FRMD3: variants seen among roughly 807,000 people sequenced by gnomAD.
The protein encoded by FRMD3 is FERM domain-containing protein 3.
Under a neutral mutation model 70.2 loss-of-function variants are expected in FRMD3, and 33 were observed. That is an observed-to-expected ratio of 0.47 (90% CI 0.36 to 0.63). The LOEUF is 0.63. Ranked by LOEUF, FRMD3 falls within the 20% of genes least tolerant of loss-of-function variation. The probability of loss-of-function intolerance (pLI) is 0.00; values close to 1 mark genes in which losing one functional copy is unlikely to be tolerated. For synonymous variants in FRMD3, 279 were observed against 255.9 expected, an observed-to-expected ratio of 1.09 and a Z score of -0.86; for missense variants, 632 against 711.4, an observed-to-expected ratio of 0.89 and a Z score of 1.27.
At chr9:83,569,006 T>G in the FRMD3 span, among the ~76,000 whole-genome samples, 29 of 142,600 alleles carry the variant, frequency 2.0e-4, no homozygotes, top group East Asian at 3.4e-3. Context: ...AGGTAATAAT[T>G]GGACACAATA....
intron 12 of FRMD3, among the ~76,000 whole-genome samples, chr9:83,298,262 G>A (rs1361833337): frequency 2.0e-5 from 3 of 152,240 alleles, no homozygotes; most frequent in Non-Finnish European, 2.9e-5. Flanking sequence ...AAGAATGACT[G>A]CATATCGTCA....
chr9:83,382,436 T>C (rs1412502385), intron 2 of FRMD3, among the ~76,000 whole-genome samples: 1 of 152,202 alleles, frequency 6.6e-6, no homozygotes. Context: ...TTAAAAAAAT[T>C]ATATTGCATA....
At chr9:83,535,319 C>T (rs1829868885) in intron 1 of FRMD3, among the ~76,000 whole-genome samples, 1 of 152,198 alleles carries the variant, frequency 6.6e-6, no homozygotes, top group South Asian at 2.1e-4. Context: ...CAGCACCTTG[C>T]TAGAGAAACC....
At chr9:83,476,849 C>A (rs2131468310) in intron 1 of FRMD3, among the ~76,000 whole-genome samples, 1 of 152,034 alleles carries the variant, frequency 6.6e-6, no homozygotes, top group African/African-American at 2.4e-5. Flanking sequence ...CTACACTTTT[C>A]CTTTGTGGCC....
intron 1 of FRMD3, among the ~76,000 whole-genome samples, chr9:83,404,068 G>GCACACA (rs10552914): frequency 1.3e-5 from 2 of 148,828 alleles, no homozygotes; most frequent in African/African-American, 4.9e-5. Context: ...GCATACACAC[G>GCACACA]CACACACACA....
chr9:83,370,623 T>C (rs941908798), intron 3 of FRMD3, among the ~76,000 whole-genome samples: 1 of 152,166 alleles, frequency 6.6e-6, no homozygotes, highest in Non-Finnish European at 1.5e-5. Flanking sequence ...AGACATTATG[T>C]GTTTTAGGGT....
intron 1 of FRMD3, among the ~76,000 whole-genome samples, 199 bp from the exon 2 acceptor site, chr9:83,389,907 C>CACACAA (rs373487519): frequency 1.2e-4 from 19 of 152,256 alleles, no homozygotes; most frequent in African/African-American, 3.9e-4. Context: ...CCATTACACA[C>CACACAA]ACACAAACAC....
chr9:83,341,059 A>T (rs1823737938), intron 5 of FRMD3, among the ~76,000 whole-genome samples: 1 of 152,060 alleles, frequency 6.6e-6, no homozygotes, highest in East Asian at 1.9e-4. Context: ...CTAATCACTT[A>T]CTCCATCTTC....
chr9:83,328,712 G>T (rs1454200433), intron 6 of FRMD3, among the ~76,000 whole-genome samples: 1 of 152,136 alleles, frequency 6.6e-6, no homozygotes, highest in Non-Finnish European at 1.5e-5. Flanking sequence ...CGAAAATCTG[G>T]GCTAGGCCAT....
At chr9:83,532,320 G>A (rs1054613304) in intron 1 of FRMD3, among the ~76,000 whole-genome samples, 1 of 152,100 alleles carries the variant, frequency 6.6e-6, no homozygotes, top group Admixed American at 6.5e-5. Flanking sequence ...CAAGCATAAA[G>A]TTTGTCTGCT....
chr9:83,283,111 C>CTTTTGAAAAGCT (rs1834033833), intron 13 of FRMD3, among the ~76,000 whole-genome samples: 1 of 152,148 alleles, frequency 6.6e-6, no homozygotes. Flanking sequence ...AGGTAAAAAG[C>CTTTTGAAAAGCT]TTTTGAAAAG....
At chr9:83,523,859 G>A (rs1230900784) in intron 1 of FRMD3, among the ~76,000 whole-genome samples, 1 of 152,210 alleles carries the variant, frequency 6.6e-6, no homozygotes, top group Non-Finnish European at 1.5e-5. Context: ...GGCAAAAGGT[G>A]TCACTCAAGG....
chr9:83,334,581 A>G (rs1239092829), intron 6 of FRMD3, among the ~76,000 whole-genome samples: 1 of 152,148 alleles, frequency 6.6e-6, no homozygotes, highest in African/African-American at 2.4e-5. Flanking sequence ...GTTTTTCATC[A>G]ACACTTGTCA....
At chr9:83,540,180 C>T (rs1829982948), upstream of FRMD3, among the ~76,000 whole-genome samples, 1 of 152,142 alleles carries the variant, frequency 6.6e-6, no homozygotes, top group African/African-American at 2.4e-5. Flanking sequence ...AGGGATGGGA[C>T]CTGCCCCAAG....
intron 5 of FRMD3, among the ~76,000 whole-genome samples, chr9:83,342,900 A>G (rs754763522): frequency 5.9e-5 from 9 of 152,150 alleles, no homozygotes; most frequent in African/African-American, 2.4e-5. Context: ...AAACCCACCC[A>G]TTCCACATTC....
rs151172141 is a variant in FRMD3, at chr9:83,428,817, C to G, written c.148-39109G>C. 6.1e-3 allele frequency among the ~76,000 whole-genome samples: 925 copies of G among 152,274 alleles called. 8 individuals are homozygous for G. The highest frequency in any genetic ancestry group is 0.02 in the Middle Eastern group (6 of 294). ...AAAGCCCAAGTTCTTCCTACCATAT[C>G]AAGTTCTTTCCAGAAAGATCTTTAA... On this transcript the variant is annotated intron_variant, in intron 1 of 13. Transcript: ENST00000304195.
chr9:83,408,408 C>A (rs1303026470), intron 1 of FRMD3, among the ~76,000 whole-genome samples: 3 of 152,120 alleles, frequency 2.0e-5, no homozygotes, highest in Non-Finnish European at 2.9e-5. Flanking sequence ...TTGTCATGTC[C>A]TAAGAACCCC....
intron 9 of FRMD3, 127 bp from the exon 10 acceptor site, chr9:83,309,751 A>C: frequency 1.7e-6 from 1 of 584,600 alleles, no homozygotes; most frequent in East Asian, 2.8e-5. Flanking sequence ...GAAGTAACTT[A>C]ACATATTGCT....
intron 13 of FRMD3, among the ~76,000 whole-genome samples, chr9:83,259,333 A>G (rs1455555797): frequency 6.6e-6 from 1 of 152,134 alleles, no homozygotes; most frequent in African/African-American, 2.4e-5. Context: ...AAATTCAGGG[A>G]AGATCTTTGC....
Sources: gnomAD v4.1 joint callset for allele counts (sites outside exome capture counted in the v4.1 genomes callset) on GRCh38, gnomAD v4.1.1 for gene constraint, MANE v1.5 for transcripts, NCBI Gene and HGNC (gene_info 2026-07-23, HGNC 2026-07-21) for gene names.